RBBP6: variants seen among roughly 807,000 people sequenced by gnomAD.
The protein encoded by RBBP6 is E3 ubiquitin-protein ligase RBBP6.
A neutral mutation model predicts 167.7 loss-of-function variants in RBBP6; 25 were observed. That is an observed-to-expected ratio of 0.15 (90% CI 0.11 to 0.21). The LOEUF is 0.21. RBBP6 is among the 10% of genes least tolerant of loss of function. The pLI is 1.00. For synonymous variants in RBBP6, 789 were observed against 735.8 expected, an observed-to-expected ratio of 1.07 and a Z score of -1.17; for missense variants, 1,868 against 2,134.2, an observed-to-expected ratio of 0.88 and a Z score of 2.46.
At chr16:24,549,068 A>G (rs1233661355) in intron 3 of RBBP6, 87 bp downstream of exon 3, 4 of 1,560,786 alleles carry the variant, frequency 2.6e-6, no homozygotes, top group African/African-American at 2.7e-5. Flanking sequence ...TTAGAACTTA[A>G]TATCCAACTG....
Position 24,570,048 on chromosome 16 carries a change from T to G in RBBP6, c.3358T>G (p.Ser1120Ala). 1 of 1,604,224 alleles carries G rather than the reference T, an allele frequency of 6.2e-7. No homozygotes were observed. Among genetic ancestry groups the G allele is most frequent in the Non-Finnish European group, 8.5e-7 (1 of 1,177,120 alleles). Residue 1120 changes from serine (S) to alanine (A), a missense_variant, in exon 17 of 18, where the codon TCA becomes GCA. Physicochemically the swap from Ser to Ala is moderately conservative, Grantham distance 99. This residue lies in a region of RBBP6 where 673 missense variants were observed against 691.5 expected (regional missense o/e 0.97). Coordinates refer to ENST00000319715, the MANE Select transcript of RBBP6 (RefSeq NM_006910.5). ...VKKDYSKDVK[S>A]EKLTTKEEKA... is the part of the protein sequence containing the mutation. ...GAAGGACTATTCCAAAGATGTCAAA[T>G]CAGAAAAGCTAACAACTAAGGAAGA...
rs1025806244 is a variant in RBBP6 at position 24,569,931 on chromosome 16, G to A, written c.3241G>A (p.Asp1081Asn). 15 of 1,602,762 alleles carry A rather than the reference G, an allele frequency of 9.4e-6. No homozygotes were observed. The highest frequency in any genetic ancestry group is 1.3e-5 in the Non-Finnish European group (15 of 1,177,406). The change falls in exon 17 of 18, where the codon GAT becomes AAT. Residue 1081 changes from aspartate to asparagine, a missense_variant. Physicochemically the swap from Asp to Asn is conservative, Grantham distance 23 (BLOSUM62 1). Transcript: ENST00000319715. ...TAAATCATCATCTTCCTCTCAGAAG[G>A]ATGAAAAAATCACTGGAACCCCCAG... ...NTKSSSSSQK[D>N]EKITGTPRKA... is the part of the protein sequence containing the mutation.
intron 3 of RBBP6, among the ~76,000 whole-genome samples, chr16:24,551,820 G>C (rs1898803493): frequency 6.6e-6 from 1 of 151,722 alleles, no homozygotes; most frequent in Non-Finnish European, 1.5e-5. Context: ...TTATTGGTTA[G>C]AATGTAGTAT....
chr16:24,571,164 A>C lies in RBBP6; in HGVS notation c.4098A>C (p.Glu1366Asp), dbSNP rs141420014. The stretch of plus-strand genomic sequence containing the variant: ...ATATAGTCAAGTATCCTGAGAAAGA[A>C]AGTGAGCCATCCGAGAAAATTCAGA... ...PSNIVKYPEK[E>D]SEPSEKIQKF... is the part of the protein sequence containing the mutation. Residue 1366 changes from glutamate (E) to aspartate (D), a missense_variant, in exon 18 of 18, where the codon GAA becomes GAC. Glu to Asp is a conservative substitution (Grantham distance 45). This residue lies in a region of RBBP6 where 591 missense variants were observed against 540.5 expected (regional missense o/e 1.09). Coordinates refer to ENST00000319715, the MANE Select transcript of RBBP6 (RefSeq NM_006910.5). The C allele has an allele frequency of 1.3e-4, 208 of 1,613,742 alleles. No homozygotes were observed. The highest frequency in any genetic ancestry group is 1.7e-4 in the Non-Finnish European group (201 of 1,179,732).
Position 24,572,643 on chromosome 16 carries a change from T to C in RBBP6, c.*198T>C, listed in dbSNP as rs920878716. On this transcript the variant is annotated 3_prime_UTR_variant, in exon 18 of 18. Coordinates refer to ENST00000319715, the MANE Select transcript of RBBP6 (RefSeq NM_006910.5). ...TGTACAGAATTGTGAGTTGTGACCA[T>C]GTAACATGAGAGGTTTTGCTAGGGC... 2.8e-6 allele frequency: 2 copies of C among 723,538 alleles called. No individual in the cohort carries two copies. Among genetic ancestry groups the C allele is most frequent in the South Asian group, 2.7e-5 (1 of 37,238 alleles). 44.8% of individuals were successfully genotyped at this position (723,538 alleles called of 1,614,324 possible).
Position 24,568,946 on chromosome 16 carries a change from A to G in RBBP6, c.2256A>G (p.Gly752=). ...RNYRSRSRSH[G]YHRSRSRSPP... ...ACCGTTCACGGTCTAGATCTCATGG[A>G]TATCATCGATCTAGGTCAAGGTCAC... Residue 752 remains glycine (G), a synonymous_variant, in exon 17 of 18, where the codon GGA becomes GGG. Transcript: ENST00000319715. The G allele has an allele frequency of 6.2e-7, 1 of 1,614,236 alleles. No homozygotes were observed. The highest frequency in any genetic ancestry group is 8.5e-7 in the Non-Finnish European group (1 of 1,180,028).
At chr16:24,540,883 C>T in intron 1 of RBBP6, 91 bp downstream of exon 1, 11 of 1,437,302 alleles carry the variant, frequency 7.7e-6, no homozygotes, top group Non-Finnish European at 1.0e-5. Context: ...CATTATGTCT[C>T]TAGTGGGGAC....
intron 3 of RBBP6, chr16:24,553,187 C>A (rs769682075): frequency 1.0e-4 from 22 of 211,752 alleles, no homozygotes; most frequent in Non-Finnish European, 1.4e-4. Context: ...TGTACATTGT[C>A]TTGAGTATTG....
chr16:24,540,475 T>G lies in RBBP6; in HGVS notation c.-152T>G. The G allele has an allele frequency of 1.6e-6, 1 of 640,220 alleles. No homozygotes were observed. The highest frequency in any genetic ancestry group is 2.9e-5 in the East Asian group (1 of 34,054). The allele number at this position is 640,220 out of a possible 1,614,324, so 39.7% of individuals were successfully genotyped here. A position where few individuals can be genotyped will look rare whatever the true frequency, so the allele number is the denominator to read the frequency against. ...GATTATTGTTCTGACGAACCCCTGC[T>G]TGTGGTTGGGGGGTATTTAATCTGA... On this transcript the variant is annotated 5_prime_UTR_variant, in exon 1 of 18. Transcript: ENST00000319715.
At chr16:24,556,226 C>A in intron 6 of RBBP6, 82 bp from the exon 7 acceptor site, 1 of 1,117,704 alleles carries the variant, frequency 8.9e-7, no homozygotes, top group South Asian at 1.5e-5. Flanking sequence ...ATATAGTAAG[C>A]ACTGTATAAC....
In RBBP6 at chr16:24,546,271, C is replaced by G; in HGVS notation, c.266+9C>G. ...AGCAAGACATATGTTATGTAAGTAT[C>G]AAATCTCATGTATTTCTCAAAATAG... On this transcript the variant is annotated intron_variant, in intron 2 of 17. Transcript: ENST00000319715. 1.3e-6 allele frequency: 2 copies of G among 1,544,834 alleles called. No individual in the cohort carries two copies. The highest frequency in any genetic ancestry group is 1.7e-6 in the Non-Finnish European group (2 of 1,155,726).
chr16:24,556,526 CT>C, intron 7 of RBBP6, 79 bp downstream of exon 7: 1 of 1,418,956 alleles, frequency 7.0e-7, no homozygotes, highest in Non-Finnish European at 9.4e-7. Flanking sequence ...GGGCTTGTAA[CT>C]TTGCTACTTG....
intron 1 of RBBP6, among the ~76,000 whole-genome samples, chr16:24,545,464 C>G (rs1898620443): frequency 1.3e-5 from 2 of 152,172 alleles, no homozygotes; most frequent in African/African-American, 4.8e-5. Flanking sequence ...AAATATAAAT[C>G]AGTGTATGGT....
rs746703750 is a variant in RBBP6, at chr16:24,570,100, A to G, written c.3410A>G (p.Asn1137Ser). 14 of 1,600,540 alleles carry G rather than the reference A, an allele frequency of 8.7e-6. No homozygotes were observed. The highest frequency in any genetic ancestry group is 7.1e-5 in the Admixed American group (4 of 56,134). Residue 1137 changes from asparagine to serine, a missense_variant, in exon 17 of 18, where the codon AAC becomes AGC. Coordinates refer to ENST00000319715, the MANE Select transcript of RBBP6 (RefSeq NM_006910.5). ...EEKAKKPNEKNKPLDNKGEKR... is the reference protein window; with the variant it reads ...EEKAKKPNEKSKPLDNKGEKR... ...AAGGCCAAGAAGCCTAATGAGAAAA[A>G]CAAACCACTTGATAATAAGGGAGAA...
chr16:24,555,071 T>C (rs1898882732), intron 4 of RBBP6: 1 of 152,518 alleles, frequency 6.6e-6, no homozygotes, highest in Admixed American at 6.5e-5. Flanking sequence ...TTGTATATCA[T>C]ACCTCAAAGA....
chr16:24,542,029 A>G (rs1004974249), intron 1 of RBBP6, among the ~76,000 whole-genome samples: 23 of 152,364 alleles, frequency 1.5e-4, no homozygotes, highest in Admixed American at 3.9e-4. Flanking sequence ...TCATGACTCA[A>G]AAATATTAAG....
chr16:24,560,594 A>G (rs1899026778), intron 8 of RBBP6, among the ~76,000 whole-genome samples: 1 of 152,216 alleles, frequency 6.6e-6, no homozygotes. Flanking sequence ...TAGTTTTGAA[A>G]TATACAGTCC....
At chr16:24,543,635 G>A (rs897975430) in intron 1 of RBBP6, among the ~76,000 whole-genome samples, 1 of 151,944 alleles carries the variant, frequency 6.6e-6, no homozygotes, top group Non-Finnish European at 1.5e-5. Context: ...AGACTGAAAC[G>A]CTTGGGTCAG....
rs1485659703 is a variant in RBBP6 at position 24,569,306 on chromosome 16, T to C, written c.2616T>C (p.Asn872=). Residue 872 remains asparagine, a synonymous_variant, in exon 17 of 18, where the codon AAT becomes AAC. Coordinates refer to ENST00000319715, the MANE Select transcript of RBBP6 (RefSeq NM_006910.5). ...GATTTTTGCCACTTAACATCAGGAATTCTCCCTTCACAAGAGGCCGCAGAG... is the reference window on the plus strand; with the variant it reads ...GATTTTTGCCACTTAACATCAGGAACTCTCCCTTCACAAGAGGCCGCAGAG... ...PERFLPLNIR[N]SPFTRGRRED... 1 of 1,611,912 alleles carries C rather than the reference T, an allele frequency of 6.2e-7. No homozygotes were observed. Among genetic ancestry groups the C allele is most frequent in the Admixed American group, 1.7e-5 (1 of 59,328 alleles).
Sources: gnomAD v4.1 joint callset for allele counts (sites outside exome capture counted in the v4.1 genomes callset) on GRCh38, gnomAD v4.1.1 for gene constraint, gnomAD v4.1.1 regional missense constraint, MANE v1.5 for transcripts, NCBI Gene and HGNC (gene_info 2026-07-23, HGNC 2026-07-21) for gene names.